IGF1R: variants seen among roughly 807,000 people sequenced by gnomAD.
The protein encoded by IGF1R is insulin like growth factor 1 receptor, also known as insulin-like growth factor 1 receptor.
A neutral mutation model predicts 144.6 loss-of-function variants in IGF1R; 44 were observed. That is an observed-to-expected ratio of 0.30 (90% CI 0.24 to 0.39). IGF1R has a LOEUF of 0.39. Ranked by LOEUF, IGF1R falls within the 10% of genes least tolerant of loss-of-function variation. IGF1R has a pLI of 1.00. For synonymous variants in IGF1R, 795 were observed against 722.8 expected, an observed-to-expected ratio of 1.10 and a Z score of -1.60; for missense variants, 1,355 against 1,833.7, an observed-to-expected ratio of 0.74 and a Z score of 4.77.
At chr15:98,657,491 G>T (rs1209507996) in intron 1 of IGF1R, among the ~76,000 whole-genome samples, 3 of 152,164 alleles carry the variant, frequency 2.0e-5, no homozygotes, top group Non-Finnish European at 4.4e-5. Flanking sequence ...ATTTTAGTGG[G>T]ATAATACACA....
intron 19 of IGF1R, 54 bp downstream of exon 19, chr15:98,943,106 C>A (rs902778516): frequency 1.2e-6 from 2 of 1,601,632 alleles, no homozygotes; most frequent in South Asian, 1.1e-5. Context: ...TCTGCACTTT[C>A]CACCAGCTCA....
chr15:98,662,425 G>C (rs534418227), intron 1 of IGF1R, among the ~76,000 whole-genome samples: 1 of 152,288 alleles, frequency 6.6e-6, no homozygotes, highest in South Asian at 2.1e-4. Flanking sequence ...AGGCTGACTG[G>C]TTCAAGGTCA....
chr15:98,753,243 T>TAA (rs59537592), intron 2 of IGF1R, among the ~76,000 whole-genome samples: 1 of 148,334 alleles, frequency 6.7e-6, no homozygotes, highest in African/African-American at 2.5e-5. Flanking sequence ...TTTTTTTTTT[T>TAA]AAATAAAGAG....
intron 1 of IGF1R, among the ~76,000 whole-genome samples, chr15:98,661,443 G>A (rs2052596225): frequency 6.6e-6 from 1 of 152,108 alleles, no homozygotes; most frequent in Admixed American, 6.5e-5. Flanking sequence ...GAGTGGGGTG[G>A]GATATTTCTT....
At chr15:98,877,763 A>G (rs79596890) in intron 2 of IGF1R, among the ~76,000 whole-genome samples, 2 of 152,138 alleles carry the variant, frequency 1.3e-5, no homozygotes, top group Non-Finnish European at 2.9e-5. Context: ...CAGGTAGTGC[A>G]AAAAAATCTA....
intron 13 of IGF1R, among the ~76,000 whole-genome samples, chr15:98,926,477 T>C (rs2015724121): frequency 1.3e-5 from 2 of 152,186 alleles, no homozygotes; most frequent in South Asian, 4.1e-4. Flanking sequence ...CACAAAAAAA[T>C]GTGATGTAAT....
At chr15:98,924,778 C>T in intron 13 of IGF1R, 94 bp downstream of exon 13, 1 of 1,183,338 alleles carries the variant, frequency 8.5e-7, no homozygotes, top group South Asian at 1.2e-5. Context: ...GTCTTATTTT[C>T]TGTTAAAATG....
chr15:98,861,748 C>G (rs951446763), intron 2 of IGF1R, among the ~76,000 whole-genome samples: 3 of 152,232 alleles, frequency 2.0e-5, no homozygotes, highest in African/African-American at 7.2e-5. Context: ...GAAGCCTTAG[C>G]ATGGCTCTTG....
intron 2 of IGF1R, among the ~76,000 whole-genome samples, chr15:98,885,272 C>T (rs1056687022): frequency 2.0e-4 from 31 of 152,324 alleles, no homozygotes; most frequent in African/African-American, 7.0e-4. Flanking sequence ...AAGCCTTTCT[C>T]ATTTGCTTAG....
chr15:98,796,465 C>T (rs886922473), intron 2 of IGF1R, among the ~76,000 whole-genome samples: 2 of 152,186 alleles, frequency 1.3e-5, no homozygotes, highest in African/African-American at 2.4e-5. Flanking sequence ...GCCAGGTGCT[C>T]TTCTTGAGCT....
At position 98,958,886 on chromosome 15, in the gene IGF1R, G is replaced by C. The variant is rs911904498; in HGVS notation, c.*1444G>C. ...TCTATCACATAATTTGCCATGAACT[G>C]TTGGATGCCTTTTTATAAATACATC... On this transcript the variant is annotated 3_prime_UTR_variant, in exon 21 of 21. Coordinates refer to ENST00000650285, the MANE Select transcript of IGF1R (RefSeq NM_000875.5). 7 of 233,366 alleles carry C rather than the reference G, an allele frequency of 3.0e-5. No individual in the cohort carries two copies. Among genetic ancestry groups the C allele is most frequent in the African/African-American group, 1.5e-4 (7 of 45,280 alleles). The allele number at this position is 233,366 out of a possible 1,614,324, so 14.5% of individuals were successfully genotyped here.
chr15:98,756,624 C>A (rs1163226438), intron 2 of IGF1R, among the ~76,000 whole-genome samples: 1 of 151,652 alleles, frequency 6.6e-6, no homozygotes, highest in African/African-American at 2.4e-5. Flanking sequence ...TTATATTTAT[C>A]CTGCTTTTAA....
chr15:98,761,065 C>A (rs1041675508), intron 2 of IGF1R, among the ~76,000 whole-genome samples: 2 of 152,252 alleles, frequency 1.3e-5, no homozygotes, highest in African/African-American at 4.8e-5. Context: ...CTAAACACCA[C>A]CTGGCCTCTG....
chr15:98,930,561 C>A (rs963123914), intron 15 of IGF1R, among the ~76,000 whole-genome samples: 1 of 152,010 alleles, frequency 6.6e-6, no homozygotes. Context: ...ATGAATGTGG[C>A]CAGCGCAGTA....
intron 2 of IGF1R, among the ~76,000 whole-genome samples, chr15:98,806,777 A>C (rs1377562791): frequency 6.6e-6 from 1 of 152,194 alleles, no homozygotes; most frequent in Admixed American, 6.5e-5. Context: ...TCTGTATACC[A>C]GTGTTAGGCC....
chr15:98,688,713 T>C (rs1041604394), intron 1 of IGF1R, among the ~76,000 whole-genome samples: 1 of 152,026 alleles, frequency 6.6e-6, no homozygotes, highest in South Asian at 2.1e-4. Context: ...CAAGACTAGT[T>C]GATGAGGGTC....
chr15:98,961,903 A>G lies in IGF1R; in HGVS notation c.*4461A>G, dbSNP rs908095134. On this transcript the variant is annotated 3_prime_UTR_variant, in exon 21 of 21. Coordinates refer to ENST00000650285, the MANE Select transcript of IGF1R (RefSeq NM_000875.5). ...GCGGAGTCACATTTCAATGGTACGA[A>G]AAGTGGCTTCGTAAAATAGAAGAGC... is the stretch of plus-strand genomic sequence containing the variant. The G allele has an allele frequency of 2.6e-5, 6 of 233,220 alleles. No homozygotes were observed. Among genetic ancestry groups the G allele is most frequent in the Non-Finnish European group, 4.2e-5 (5 of 118,076 alleles). 14.4% of individuals were successfully genotyped at this position (233,220 alleles called of 1,614,324 possible).
intron 2 of IGF1R, among the ~76,000 whole-genome samples, chr15:98,723,814 A>G (rs1442995143): frequency 6.6e-6 from 1 of 152,222 alleles, no homozygotes; most frequent in Non-Finnish European, 1.5e-5. Flanking sequence ...TATATTATGA[A>G]GGCATTTAGA....
chr15:98,780,243 T>C (rs1412951720), intron 2 of IGF1R, among the ~76,000 whole-genome samples: 7 of 152,042 alleles, frequency 4.6e-5, no homozygotes, highest in Admixed American at 2.6e-4. Context: ...TTGTCTCATT[T>C]AATAGTTGTT....
Sources: allele counts gnomAD v4.1 joint callset (sites outside exome capture counted in the v4.1 genomes callset), GRCh38; gene constraint gnomAD v4.1.1; transcripts MANE v1.5; gene names NCBI Gene and HGNC (gene_info 2026-07-23, HGNC 2026-07-21).